Variants in RYR2 observed in about 807,000 individuals in gnomAD.
The protein encoded by RYR2 is ryanodine receptor 2.
A neutral mutation model predicts 601.1 loss-of-function variants in RYR2; 227 were observed. The ratio of observed to expected loss-of-function variants is 0.38; its 90% CI spans 0.34 to 0.42. The LOEUF (loss-of-function observed/expected upper bound fraction) is 0.42. Among genes scored for constraint, RYR2 ranks in the 10% least tolerant of loss-of-function variants. The pLI, the probability that RYR2 is intolerant of heterozygous loss-of-function variation, is 1.00. For missense variants in RYR2, 4,646 were observed against 6,156.5 expected (o/e 0.75, Z 8.21); for synonymous variants, 2,223 against 2,175.1 (o/e 1.02, Z -0.61).
Position 237,623,885 on chromosome 1 carries a change from A to T in RYR2, c.6022+15A>T, listed in dbSNP as rs1456294563. On this transcript the variant is annotated intron_variant, in intron 39 of 104. Transcript: ENST00000366574. ...GACACATTGTGGTAAGGTCTTTTTG[A>T]TTAAAAGCTTTTATTAATTGTATGT... 3.3e-6 allele frequency: 5 copies of T among 1,505,272 alleles called. No homozygotes were observed. In the African/African-American group the frequency reaches 5.5e-5, roughly 17 times the overall value. The allele number at this position is 1,505,272 out of a possible 1,614,324, so 93.2% of individuals were successfully genotyped here. A position where few individuals can be genotyped will look rare whatever the true frequency, so the allele number is the denominator to read the frequency against.
At chr1:237,447,162 A>T (rs11806224) in intron 14 of RYR2, among the ~76,000 whole-genome samples, 10,156 of 152,230 alleles carry the variant, frequency 0.067, 822 homozygotes, top group African/African-American at 0.19. Context: ...CACTGCAGAG[A>T]TACCATTTGG....
At chr1:237,189,881 T>TTA (rs1048174610) in intron 1 of RYR2, among the ~76,000 whole-genome samples, 14 of 150,090 alleles carry the variant, frequency 9.3e-5, no homozygotes, top group African/African-American at 3.2e-4. Flanking sequence ...TTATTTTTAT[T>TTA]TTTTTTTTTG....
intron 90 of RYR2, 100 bp downstream of exon 90, chr1:237,785,072 T>TA: frequency 1.2e-6 from 1 of 864,114 alleles, no homozygotes. Flanking sequence ...AGAACGGTGT[T>TA]ACCTATGTGA....
Position 237,573,211 on chromosome 1 carries a change from T to C in RYR2, c.3598+3892T>C, listed in dbSNP as rs572094525. 4.9e-5 allele frequency among the ~76,000 whole-genome samples: 7 copies of C among 143,824 alleles called. No individual in the cohort carries two copies. In the South Asian group the frequency reaches 1.6e-3, roughly 33 times the overall value. The allele number at this position is 143,824 out of a possible 152,430, so 94.4% of individuals were successfully genotyped here. On this transcript the variant is annotated intron_variant, in intron 29 of 104. Coordinates refer to ENST00000366574, the MANE Select transcript of RYR2 (RefSeq NM_001035.3). ...TAAGATGGATAAATGTAGAAATTAT[T>C]ATCTATGGAGATATACACATACACA...
At chr1:237,769,340 C>A (rs1215433956) in intron 84 of RYR2, among the ~76,000 whole-genome samples, 1 of 152,098 alleles carries the variant, frequency 6.6e-6, no homozygotes, top group Non-Finnish European at 1.5e-5. Context: ...GTTTCCTATC[C>A]TGTCGTGAAT....
At chr1:237,209,494 T>C (rs1218567689) in intron 1 of RYR2, among the ~76,000 whole-genome samples, 1 of 119,280 alleles carries the variant, frequency 8.4e-6, no homozygotes, top group Non-Finnish European at 1.8e-5. Context: ...AAAATCTGCA[T>C]ATATGTGTGT....
chr1:237,125,359 G>A (rs575496012), intron 1 of RYR2, among the ~76,000 whole-genome samples: 5 of 151,646 alleles, frequency 3.3e-5, no homozygotes, highest in Admixed American at 6.6e-5. Context: ...TGTGCTGCCT[G>A]TGACTCTCAT....
chr1:237,654,145 T>C (rs567985817), intron 51 of RYR2, 129 bp from the exon 52 acceptor site: 2 of 1,045,036 alleles, frequency 1.9e-6, no homozygotes, highest in South Asian at 1.7e-5. Flanking sequence ...AGATAATTTA[T>C]ATGGGATTGG....
chr1:237,498,082 T>A (rs551263379), intron 20 of RYR2, among the ~76,000 whole-genome samples: 2 of 152,204 alleles, frequency 1.3e-5, no homozygotes, highest in East Asian at 3.9e-4. Flanking sequence ...GCCAGGCTCA[T>A]CTTGAATTCC....
chr1:237,527,863 T>A (rs1351848993), intron 24 of RYR2, among the ~76,000 whole-genome samples: 2 of 152,162 alleles, frequency 1.3e-5, no homozygotes, highest in East Asian at 3.9e-4. Context: ...AAATAAACAA[T>A]GTATAAGTTT....
chr1:237,071,404 A>G (rs1664297264), intron 1 of RYR2, among the ~76,000 whole-genome samples: 1 of 151,932 alleles, frequency 6.6e-6, no homozygotes. Context: ...TTCTATTTTT[A>G]GTAGAGACAA....
intron 14 of RYR2, among the ~76,000 whole-genome samples, chr1:237,451,867 G>A (rs12740088): frequency 0.52 from 78,908 of 150,934 alleles, 21,958 homozygotes; most frequent in East Asian, 0.74. Context: ...TTACCTTTTG[G>A]AAAGAAAGTC....
At chr1:237,241,524 G>A (rs370665880) in intron 1 of RYR2, among the ~76,000 whole-genome samples, 2 of 152,162 alleles carry the variant, frequency 1.3e-5, no homozygotes, top group African/African-American at 4.8e-5. Context: ...AGGCCAAGTG[G>A]GTTCTTGGCT....
At chr1:237,546,995 ATTTATTTATT>A in intron 25 of RYR2, among the ~76,000 whole-genome samples, 1 of 103,388 alleles carries the variant, frequency 9.7e-6, no homozygotes, top group Admixed American at 1.0e-4. Flanking sequence ...ATATATATAT[ATTTATTTATT>A]TATTTATTTA....
intron 27 of RYR2, among the ~76,000 whole-genome samples, chr1:237,559,131 A>T (rs1376636513): frequency 6.6e-6 from 1 of 151,818 alleles, no homozygotes; most frequent in Admixed American, 6.6e-5. Context: ...AGTAGCTGGG[A>T]TAATAAGAAT....
chr1:237,480,450 T>A (rs1661924212), intron 17 of RYR2, among the ~76,000 whole-genome samples: 1 of 152,064 alleles, frequency 6.6e-6, no homozygotes, highest in Admixed American at 6.5e-5. Context: ...AACATTTTCT[T>A]AGGTTTTGAG....
chr1:237,141,765 G>A (rs1384575706), intron 1 of RYR2, among the ~76,000 whole-genome samples: 1 of 152,186 alleles, frequency 6.6e-6, no homozygotes, highest in Non-Finnish European at 1.5e-5. Context: ...GTGTGCAATG[G>A]AACTCTTTTT....
intron 25 of RYR2, among the ~76,000 whole-genome samples, chr1:237,546,442 A>T (rs184740546): frequency 1.3e-5 from 2 of 152,186 alleles, no homozygotes; most frequent in South Asian, 2.1e-4. Flanking sequence ...CAGTGGCACA[A>T]TCTCGGCTCA....
chr1:237,385,398 C>T (rs1176596134), intron 8 of RYR2, among the ~76,000 whole-genome samples: 2 of 152,122 alleles, frequency 1.3e-5, no homozygotes, highest in African/African-American at 2.4e-5. Context: ...ACATTGTATG[C>T]ATGTATCAAA....
Sources: gnomAD v4.1 joint callset for allele counts (sites outside exome capture counted in the v4.1 genomes callset) on GRCh38, gnomAD v4.1.1 for gene constraint, MANE v1.5 for transcripts, NCBI Gene and HGNC (gene_info 2026-07-23, HGNC 2026-07-21) for gene names.